Variants in DMD observed in about 807,000 individuals in gnomAD.
DMD encodes the protein mutant dystrophin.
In DMD, 63 loss-of-function variants were observed where a neutral mutation model predicts 330.1. That is an observed-to-expected ratio of 0.19 (90% CI 0.16 to 0.24). The LOEUF (loss-of-function observed/expected upper bound fraction) is 0.24, where lower values mean the gene tolerates loss of function less well. Among genes scored for constraint, DMD ranks in the 10% least tolerant of loss-of-function variants. The pLI, the probability that DMD is intolerant of heterozygous loss-of-function variation, is 1.00. For synonymous variants in DMD, 1,223 were observed against 959.8 expected (o/e 1.27, Z -5.07); for missense variants, 3,344 against 2,684.1 (o/e 1.25, Z -5.43).
chrX:32,122,218 G>A lies in DMD; in HGVS notation c.6438+94698C>T, dbSNP rs184567524. On this transcript the variant is annotated intron_variant, in intron 44 of 78. Coordinates refer to ENST00000357033, the MANE Select transcript of DMD (RefSeq NM_004006.3). ...TTTCCTATAGCGTAGCTAAAGCAGT[G>A]GTTTTCAAAGCACGATCAAGGCCAG... 2.7e-5 allele frequency among the ~76,000 whole-genome samples: 3 copies of A among 111,774 alleles called. No homozygotes were observed. The East Asian group carries it at 8.5e-4, about 32-fold the overall frequency.
chrX:32,744,689 T>C (rs1266248549), intron 7 of DMD, among the ~76,000 whole-genome samples: 1 of 111,750 alleles, frequency 8.9e-6, no homozygotes, highest in East Asian at 2.8e-4. Flanking sequence ...TATCCTGTCA[T>C]ATCTAGTCAT....
At chrX:31,907,354 C>A (rs895561263) in intron 47 of DMD, among the ~76,000 whole-genome samples, 1 of 111,550 alleles carries the variant, frequency 9.0e-6, no homozygotes, top group Admixed American at 9.5e-5. Flanking sequence ...GGTACTGGTA[C>A]CAAAACAGAG....
At chrX:31,140,479 T>G (rs1225970562) in intron 76 of DMD, among the ~76,000 whole-genome samples, 2 of 112,369 alleles carry the variant, frequency 1.8e-5, no homozygotes, top group Non-Finnish European at 3.8e-5. Flanking sequence ...CTTTCTCCAG[T>G]ATTTTTTAGA....
intron 7 of DMD, among the ~76,000 whole-genome samples, chrX:32,785,135 TC>T (rs2075238528): frequency 9.2e-6 from 1 of 108,803 alleles, no homozygotes; most frequent in Non-Finnish European, 1.9e-5. Context: ...TGTGGTCAAA[TC>T]AACCCATTGG....
rs775790760 is a variant in DMD, at chrX:33,033,554, C to CAAAAAAAAAAAAAAAAAAAAA, written c.32-13355_32-13354insTTTTTTTTTTTTTTTTTTTTT. Among the ~76,000 whole-genome samples, 83 of 74,469 alleles carry CAAAAAAAAAAAAAAAAAAAAA rather than the reference C, an allele frequency of 1.1e-3. 1 individual carries two copies. The highest frequency in any genetic ancestry group is 3.0e-3 in the African/African-American group (54 of 17,785). 64.7% of individuals were successfully genotyped at this position (74,469 alleles called of 115,157 possible). ...TGAAACCCCGTCTCTACTAAAAATA[C>CAAAAAAAAAAAAAAAAAAAAA]AAAAAAAAAAAAAAACTAGCCGGGC... On this transcript the variant is annotated intron_variant, in intron 1 of 78. Coordinates refer to ENST00000357033, the MANE Select transcript of DMD (RefSeq NM_004006.3).
At chrX:32,485,447 T>C (rs908071381) in intron 20 of DMD, among the ~76,000 whole-genome samples, 26 of 111,012 alleles carry the variant, frequency 2.3e-4, no homozygotes, top group African/African-American at 7.9e-4. Flanking sequence ...ACCCCTCTTA[T>C]ATCAAAATGA....
intron 1 of DMD, among the ~76,000 whole-genome samples, chrX:33,106,054 C>CACACA (rs10624675): frequency 0.014 from 1,257 of 89,404 alleles, 15 homozygotes; most frequent in South Asian, 0.048. Flanking sequence ...GATACACACA[C>CACACA]CACACACACA....
At chrX:32,325,573 C>T (rs1191306925) in intron 41 of DMD, among the ~76,000 whole-genome samples, 2 of 111,668 alleles carry the variant, frequency 1.8e-5, no homozygotes, top group African/African-American at 6.5e-5. Context: ...CATTTTGAAA[C>T]AATTTCACAT....
At chrX:31,877,776 A>G (rs1374290862) in intron 47 of DMD, among the ~76,000 whole-genome samples, 1 of 111,197 alleles carries the variant, frequency 9.0e-6, no homozygotes, top group Non-Finnish European at 1.9e-5. Context: ...TGATCTAATG[A>G]TGTCCTCAAC....
At chrX:31,284,557 T>TTTTTTCTTCTTCTTTCTTCTTTCTTCTTC (rs2052885922) in intron 62 of DMD, among the ~76,000 whole-genome samples, 3 of 78,066 alleles carry the variant, frequency 3.8e-5, no homozygotes, top group African/African-American at 1.6e-4. Flanking sequence ...TAACGAACTG[T>TTTTTTCTTCTTCTTTCTTCTTTCTTCTTC]TTCTTCTTCT....
In DMD at chrX:32,019,045, T is replaced by C. The variant is rs143177143; in HGVS notation, c.6439-50531A>G. Reference sequence around the variant, plus strand: ...AATATTAACCCTGATGTAGGTCAAATATATGTAAAGCTGTATTAACTTTGT... The same window carrying C: ...AATATTAACCCTGATGTAGGTCAAACATATGTAAAGCTGTATTAACTTTGT... On this transcript the variant is annotated intron_variant, in intron 44 of 78. Coordinates refer to ENST00000357033, the MANE Select transcript of DMD (RefSeq NM_004006.3). Among the ~76,000 whole-genome samples the C allele has an allele frequency of 8.1e-3, 902 of 111,332 alleles. 3 individuals carry two copies. Among genetic ancestry groups the C allele is most frequent in the Non-Finnish European group, 0.014 (738 of 52,990 alleles).
At chrX:32,272,772 G>T (rs751463308) in intron 43 of DMD, among the ~76,000 whole-genome samples, 1 of 111,883 alleles carries the variant, frequency 8.9e-6, no homozygotes, top group Non-Finnish European at 1.9e-5. Context: ...CTAAAAATAA[G>T]CTCTTTTATC....
chrX:32,599,891 T>C (rs2055997525), intron 12 of DMD, among the ~76,000 whole-genome samples: 1 of 112,141 alleles, frequency 8.9e-6, no homozygotes, highest in Non-Finnish European at 1.9e-5. Context: ...ATGTTTGTTG[T>C]CAAATGTCAA....
chrX:31,445,414 ATTATG>A (rs1385813571), intron 59 of DMD, among the ~76,000 whole-genome samples: 2 of 111,811 alleles, frequency 1.8e-5, no homozygotes, highest in South Asian at 3.7e-4. Flanking sequence ...ATTCTTAACT[ATTATG>A]TTATATGCTT....
intron 43 of DMD, among the ~76,000 whole-genome samples, chrX:32,225,154 C>T (rs2097143419): frequency 8.9e-6 from 1 of 112,175 alleles, no homozygotes; most frequent in Non-Finnish European, 1.9e-5. Flanking sequence ...CTAACATCTA[C>T]AGCAGGTATT....
chrX:32,571,898 C>T (rs148322139), intron 15 of DMD, among the ~76,000 whole-genome samples: 1,503 of 111,153 alleles, frequency 0.014, 29 homozygotes, highest in African/African-American at 0.047. Flanking sequence ...CCCAATGCTA[C>T]TTAGTTCAGG....
At chrX:32,688,234 T>A (rs1317592444) in intron 9 of DMD, among the ~76,000 whole-genome samples, 1 of 111,287 alleles carries the variant, frequency 9.0e-6, no homozygotes, top group African/African-American at 3.3e-5. Flanking sequence ...CAAATATCCT[T>A]GGTTCGCAAA....
intron 41 of DMD, among the ~76,000 whole-genome samples, chrX:32,312,445 A>G (rs977573396): frequency 1.8e-5 from 2 of 111,259 alleles, no homozygotes; most frequent in African/African-American, 6.5e-5. Context: ...GTAATTGTGG[A>G]TTATAGCCAG....
chrX:31,457,238 T>C (rs756757878), intron 59 of DMD, among the ~76,000 whole-genome samples: 3 of 111,339 alleles, frequency 2.7e-5, no homozygotes, highest in South Asian at 3.8e-4. Flanking sequence ...GAAGTAACAA[T>C]GGCCAGAAAT....
Sources: gnomAD v4.1 joint callset for allele counts (sites outside exome capture counted in the v4.1 genomes callset) on GRCh38, gnomAD v4.1.1 for gene constraint, MANE v1.5 for transcripts, NCBI Gene and HGNC (gene_info 2026-07-23, HGNC 2026-07-21) for gene names.